NCKAP5: variants seen among roughly 807,000 people sequenced by gnomAD.
NCKAP5 encodes nck-associated protein 5.
In NCKAP5, 92 loss-of-function variants were observed where a neutral mutation model predicts 167.0. The ratio of observed to expected loss-of-function variants is 0.55; its 90% CI spans 0.47 to 0.66. The LOEUF (loss-of-function observed/expected upper bound fraction) is 0.66. Ranked by LOEUF, NCKAP5 falls within the 30% of genes least tolerant of loss-of-function variation. The pLI is 0.00. For synonymous variants in NCKAP5, 891 were observed against 877.4 expected, an observed-to-expected ratio of 1.02 and a Z score of -0.27; for missense variants, 2,378 against 2,315.0, an observed-to-expected ratio of 1.03 and a Z score of -0.56.
chr2:132,913,789 C>A (rs1277259145), intron 8 of NCKAP5, among the ~76,000 whole-genome samples: 1 of 152,010 alleles, frequency 6.6e-6, no homozygotes, highest in Non-Finnish European at 1.5e-5. Context: ...TGGAAATACC[C>A]ACAAAGAACA....
chr2:132,720,586 G>C (rs1694257384), intron 19 of NCKAP5, among the ~76,000 whole-genome samples: 1 of 152,200 alleles, frequency 6.6e-6, no homozygotes, highest in South Asian at 2.1e-4. Context: ...GAGCAGCTAG[G>C]GAAGGAGCCA....
chr2:132,916,369 T>A (rs1469659016), intron 8 of NCKAP5, among the ~76,000 whole-genome samples: 1 of 151,990 alleles, frequency 6.6e-6, no homozygotes, highest in Non-Finnish European at 1.5e-5. Flanking sequence ...CCTAGGCCAC[T>A]GTTACAAACG....
rs1023929610 is a variant in NCKAP5 at position 132,981,801 on chromosome 2, T to A, written c.429+12351A>T. ...AATATGTGAATGATGCTCTCTGAAG[T>A]ATCTGTCATCTTAATTTCTTTTGCT... On this transcript the variant is annotated intron_variant, in intron 7 of 19. Coordinates refer to ENST00000409261, the MANE Select transcript of NCKAP5 (RefSeq NM_207363.3). 2.0e-5 allele frequency among the ~76,000 whole-genome samples: 3 copies of A among 152,364 alleles called. No homozygotes were observed. In the East Asian group the frequency reaches 5.8e-4, roughly 29 times the overall value.
intron 3 of NCKAP5, among the ~76,000 whole-genome samples, chr2:133,341,284 A>ATT (rs11362448): frequency 0.033 from 4,793 of 145,766 alleles, 272 homozygotes; most frequent in African/African-American, 0.11. Context: ...AAGTGAGCAG[A>ATT]TTTTTTTTTT....
At chr2:132,792,994 CTGTTTTGTTT>C (rs570903207) in intron 12 of NCKAP5, among the ~76,000 whole-genome samples, 49 of 151,888 alleles carry the variant, frequency 3.2e-4, no homozygotes, top group African/African-American at 1.1e-3. Context: ...TTGAGATGCT[CTGTTTTGTTT>C]TGTTTTGTTT....
At chr2:133,194,878 T>C (rs1008177456) in intron 5 of NCKAP5, among the ~76,000 whole-genome samples, 5 of 150,566 alleles carry the variant, frequency 3.3e-5, no homozygotes, top group Non-Finnish European at 5.9e-5. Context: ...TGTTCATAGG[T>C]ATATATGAAA....
intron 3 of NCKAP5, among the ~76,000 whole-genome samples, chr2:133,355,183 G>C (rs1371411358): frequency 6.6e-6 from 1 of 152,118 alleles, no homozygotes; most frequent in Non-Finnish European, 1.5e-5. Flanking sequence ...CTTTACATGA[G>C]TGATTATAAG....
intron 3 of NCKAP5, among the ~76,000 whole-genome samples, chr2:133,514,147 G>A (rs1461198129): frequency 2.6e-5 from 4 of 152,160 alleles, no homozygotes; most frequent in African/African-American, 2.4e-5. Flanking sequence ...CGGCTACTCC[G>A]CACACTCCTA....
chr2:133,463,824 G>T (rs1692352990), intron 3 of NCKAP5, among the ~76,000 whole-genome samples: 1 of 152,176 alleles, frequency 6.6e-6, no homozygotes, highest in Admixed American at 6.5e-5. Context: ...TTATATGATG[G>T]TGTCTAAATG....
At chr2:133,267,600 C>T (rs2089305339) in intron 4 of NCKAP5, among the ~76,000 whole-genome samples, 1 of 152,134 alleles carries the variant, frequency 6.6e-6, no homozygotes, top group South Asian at 2.1e-4. Flanking sequence ...CTGCTTTGGG[C>T]AAGAAAACGC....
intron 3 of NCKAP5, among the ~76,000 whole-genome samples, chr2:133,386,867 C>A (rs530648045): frequency 7.9e-5 from 12 of 152,230 alleles, no homozygotes; most frequent in Admixed American, 2.0e-4. Context: ...AGGATTGCAA[C>A]CCCTGCCTTT....
intron 5 of NCKAP5, among the ~76,000 whole-genome samples, chr2:133,179,905 A>G (rs1195423103): frequency 3.9e-5 from 6 of 152,174 alleles, no homozygotes; most frequent in Non-Finnish European, 7.3e-5. Context: ...GGAAGAGAAA[A>G]GAGACTGAAA....
At chr2:133,383,739 T>G (rs181312789) in intron 3 of NCKAP5, among the ~76,000 whole-genome samples, 1 of 152,230 alleles carries the variant, frequency 6.6e-6, no homozygotes, top group Admixed American at 6.5e-5. Context: ...ATTTCCTGAC[T>G]TTTTAATGCT....
rs781085093 is a variant in NCKAP5, at chr2:133,356,922, T to G, written c.70-53812A>C. On this transcript the variant is annotated intron_variant, in intron 3 of 19. Transcript: ENST00000409261. ...TTTACAACATTCCTTCTCGTGCAAT[T>G]CAAAGACAATTGATAGCTAGAAAAT... Among the ~76,000 whole-genome samples, 73 of 152,284 alleles carry G rather than the reference T, an allele frequency of 4.8e-4. 1 individual carries two copies. The highest frequency in any genetic ancestry group is 9.0e-4 in the Non-Finnish European group (61 of 68,028).
intron 3 of NCKAP5, among the ~76,000 whole-genome samples, chr2:133,342,837 A>T (rs774123925): frequency 3.3e-5 from 5 of 152,168 alleles, no homozygotes; most frequent in Non-Finnish European, 7.3e-5. Context: ...CAGTGTTGTG[A>T]TTAATTAGTG....
intron 9 of NCKAP5, among the ~76,000 whole-genome samples, chr2:132,870,336 C>T (rs1216152428): frequency 6.6e-6 from 1 of 152,106 alleles, no homozygotes; most frequent in Non-Finnish European, 1.5e-5. Flanking sequence ...GACAGGTGAA[C>T]TAGGTGGTAT....
At chr2:133,584,536 G>A in the NCKAP5 span, among the ~76,000 whole-genome samples, 6 of 152,086 alleles carry the variant, frequency 3.9e-5, no homozygotes, top group Non-Finnish European at 7.4e-5. Context: ...AGGCTGAGGC[G>A]GGTGGATCAC....
At chr2:133,099,807 G>A (rs189203124) in intron 6 of NCKAP5, among the ~76,000 whole-genome samples, 3 of 152,232 alleles carry the variant, frequency 2.0e-5, no homozygotes, top group South Asian at 4.1e-4. Context: ...TAGAATAGGG[G>A]TTGGCCAAGT....
At chr2:132,735,177 A>G (rs984521) in intron 16 of NCKAP5, among the ~76,000 whole-genome samples, 79,884 of 152,088 alleles carry the variant, frequency 0.53, 23,065 homozygotes, top group East Asian at 0.76. Context: ...TCTCGCCAGG[A>G]TTTTTTTTAG....
Sources: allele counts gnomAD v4.1 joint callset (sites outside exome capture counted in the v4.1 genomes callset), GRCh38; gene constraint gnomAD v4.1.1; transcripts MANE v1.5; gene names NCBI Gene and HGNC (gene_info 2026-07-23, HGNC 2026-07-21).